CES5A: variants seen among roughly 807,000 people sequenced by gnomAD.
CES5A encodes the protein carboxylesterase 5A, also known as carboxylesterase 5.
In CES5A, 67 loss-of-function variants were observed where a neutral mutation model predicts 62.9. The observed-to-expected ratio is 1.07, with a 90% CI of 0.88 to 1.31. CES5A has a LOEUF of 1.31. CES5A is among the 50% of genes most tolerant of loss of function. CES5A has a pLI of 0.00. For synonymous variants in CES5A, 296 were observed against 280.8 expected (o/e 1.05, Z -0.54); for missense variants, 748 against 708.5 (o/e 1.06, Z -0.63).
intron 2 of CES5A, among the ~76,000 whole-genome samples, chr16:55,942,688 G>A (rs1162377397): frequency 6.6e-6 from 1 of 152,190 alleles, no homozygotes; most frequent in African/African-American, 2.4e-5. Context: ...TATTTCAACA[G>A]AAATGGGTTC....
At chr16:55,955,041 G>A (rs2034594386) in intron 1 of CES5A, among the ~76,000 whole-genome samples, 1 of 152,120 alleles carries the variant, frequency 6.6e-6, no homozygotes, top group East Asian at 1.9e-4. Flanking sequence ...AAGCTCTGAT[G>A]CATTGTCTAA....
intron 1 of CES5A, among the ~76,000 whole-genome samples, chr16:55,923,914 C>T (rs1395199408): frequency 1.3e-5 from 2 of 151,830 alleles, no homozygotes; most frequent in Non-Finnish European, 3.0e-5. Context: ...AAGGAACATG[C>T]TCAAAATAAT....
chr16:55,894,920 G>A (rs2033916630), intron 1 of CES5A, among the ~76,000 whole-genome samples: 1 of 152,180 alleles, frequency 6.6e-6, no homozygotes, highest in Admixed American at 6.5e-5. Context: ...TTACCAAAAA[G>A]CTTGGGAGGA....
At chr16:55,879,239 GCACCC>G (rs2033735712), upstream of CES5A, among the ~76,000 whole-genome samples, 1 of 141,444 alleles carries the variant, frequency 7.1e-6, no homozygotes, top group African/African-American at 2.7e-5. Context: ...CCCCATCACT[GCACCC>G]TACCACTGTA....
intron 2 of CES5A, among the ~76,000 whole-genome samples, chr16:55,936,676 G>A (rs930255652): frequency 3.9e-5 from 6 of 152,208 alleles, no homozygotes; most frequent in African/African-American, 1.4e-4. Context: ...ATTCAGTGGA[G>A]GGATGCTTTT....
At chr16:55,923,324 A>G (rs1426527501) in intron 1 of CES5A, among the ~76,000 whole-genome samples, 1 of 151,662 alleles carries the variant, frequency 6.6e-6, no homozygotes, top group African/African-American at 2.4e-5. Flanking sequence ...ATCAGAAATG[A>G]AAAAGGAGAC....
intron 1 of CES5A, among the ~76,000 whole-genome samples, chr16:55,913,325 G>A (rs2034114124): frequency 6.6e-6 from 1 of 152,170 alleles, no homozygotes; most frequent in Non-Finnish European, 1.5e-5. Context: ...GATCCATGGA[G>A]TGCAGGGTCT....
intron 1 of CES5A, among the ~76,000 whole-genome samples, chr16:55,887,358 C>A (rs550112224): frequency 6.8e-6 from 1 of 146,386 alleles, no homozygotes; most frequent in Non-Finnish European, 1.5e-5. Context: ...TGACTTCAGA[C>A]TCTTGTTACC....
chr16:55,881,449 G>C (rs887858696), intron 1 of CES5A, among the ~76,000 whole-genome samples: 1 of 152,194 alleles, frequency 6.6e-6, no homozygotes, highest in Non-Finnish European at 1.5e-5. Flanking sequence ...GGGTAGGAGA[G>C]AATTTATTAG....
At chr16:55,869,418 A>T in intron 4 of CES5A, 193 bp downstream of exon 4, 1 of 1,076,708 alleles carries the variant, frequency 9.3e-7, no homozygotes, top group Non-Finnish European at 1.2e-6. Context: ...TGAGAAAGAG[A>T]TTTTTATTGT....
chr16:55,870,676 C>T (rs2033564320), intron 3 of CES5A, among the ~76,000 whole-genome samples: 1 of 151,870 alleles, frequency 6.6e-6, no homozygotes, highest in East Asian at 1.9e-4. Flanking sequence ...CCAGCCTGGG[C>T]AACAGAGCAA....
intron 1 of CES5A, among the ~76,000 whole-genome samples, chr16:55,917,763 C>A (rs538297222): frequency 6.6e-6 from 1 of 152,190 alleles, no homozygotes; most frequent in African/African-American, 2.4e-5. Context: ...TCAAGGATAG[C>A]GAATTACAGA....
intron 2 of CES5A, among the ~76,000 whole-genome samples, chr16:55,944,932 G>A (rs1278807247): frequency 6.6e-6 from 1 of 152,164 alleles, no homozygotes; most frequent in Non-Finnish European, 1.5e-5. Context: ...TATACTCAAG[G>A]GAAAGAAGGG....
intron 1 of CES5A, among the ~76,000 whole-genome samples, chr16:55,907,934 T>A (rs945896331): frequency 1.3e-5 from 2 of 152,166 alleles, no homozygotes; most frequent in African/African-American, 4.8e-5. Flanking sequence ...ATCTTCCCTC[T>A]TTCTGTCCCA....
At chr16:55,848,452 A>G (rs1017934915) in intron 11 of CES5A, among the ~76,000 whole-genome samples, 4 of 152,164 alleles carry the variant, frequency 2.6e-5, no homozygotes, top group African/African-American at 9.7e-5. Flanking sequence ...AGACTTCTCT[A>G]TTAATGTATA....
chr16:55,923,328 A>C (rs1350348904), intron 1 of CES5A, among the ~76,000 whole-genome samples: 1 of 151,696 alleles, frequency 6.6e-6, no homozygotes, highest in East Asian at 1.9e-4. Context: ...GAAATGAAAA[A>C]GGAGACATAA....
At chr16:55,876,070 C>G (rs2033689318), upstream of CES5A, among the ~76,000 whole-genome samples, 1 of 152,200 alleles carries the variant, frequency 6.6e-6, no homozygotes, top group Non-Finnish European at 1.5e-5. Flanking sequence ...TTTCCAACCT[C>G]TCTTATTTTC....
intron 1 of CES5A, among the ~76,000 whole-genome samples, chr16:55,951,103 CAAAAAAAAA>C (rs55951124): frequency 0.025 from 1,093 of 44,378 alleles, 20 homozygotes; most frequent in African/African-American, 0.13. Flanking sequence ...GACTCCATCT[CAAAAAAAAA>C]AAAAAAAAAA....
intron 1 of CES5A, among the ~76,000 whole-genome samples, chr16:55,951,302 A>T (rs1271139438): frequency 6.6e-6 from 1 of 152,032 alleles, no homozygotes; most frequent in African/African-American, 2.4e-5. Context: ...GAAGAAAGAG[A>T]GTAATAGGAG....
Sources: gnomAD v4.1 joint callset for allele counts (sites outside exome capture counted in the v4.1 genomes callset) on GRCh38, gnomAD v4.1.1 for gene constraint, MANE v1.5 for transcripts, NCBI Gene and HGNC (gene_info 2026-07-23, HGNC 2026-07-21) for gene names.